MGA: variants seen among roughly 807,000 people sequenced by gnomAD.
The protein encoded by MGA is MAX gene-associated protein.
A neutral mutation model predicts 261.1 loss-of-function variants in MGA; 40 were observed. The observed-to-expected ratio is 0.15, with a 90% CI of 0.12 to 0.20. MGA has a LOEUF of 0.20. Among genes scored for constraint, MGA ranks in the 10% least tolerant of loss-of-function variants. The pLI, the probability that MGA is intolerant of heterozygous loss-of-function variation, is 1.00. For synonymous variants in MGA, 1,302 were observed against 1,290.6 expected (o/e 1.01, Z -0.19); for missense variants, 3,397 against 3,630.5 (o/e 0.94, Z 1.65).
chr15:41,748,876 C>T lies in MGA; in HGVS notation c.5452C>T (p.Arg1818Ter). The T allele has an allele frequency of 1.2e-6, 2 of 1,613,962 alleles. No individual in the cohort carries two copies. The highest frequency in any genetic ancestry group is 1.7e-6 in the Non-Finnish European group (2 of 1,179,892). Residue 1818 changes from arginine to a stop codon, truncating the protein, a stop_gained, in exon 16 of 24, where the codon CGA becomes TGA. Transcript: ENST00000219905. LOFTEE classifies it high-confidence loss of function. ...CCAGCTTCTACCTTTGCATCAGCTT[C>T]GAGGCTCTAATACCCAGCCCAACTT...
rs763563388 is a variant in MGA at position 41,748,868 on chromosome 15, A to G, written c.5444A>G (p.His1815Arg). Residue 1815 changes from histidine (H) to arginine (R), a missense_variant, in exon 16 of 24, where the codon CAT becomes CGT. His to Arg is a conservative substitution (Grantham distance 29, BLOSUM62 0). Around this residue, in one of 9 missense-constraint regions of MGA, gnomAD observed 1,410 missense variants for 1,386.4 expected, o/e 1.02. Coordinates refer to ENST00000219905, the MANE Select transcript of MGA (RefSeq NM_001164273.2). ...CAGATTGTCCAGCTTCTACCTTTGCATCAGCTTCGAGGCTCTAATACCCAG... is the reference window on the plus strand; with the variant it reads ...CAGATTGTCCAGCTTCTACCTTTGCGTCAGCTTCGAGGCTCTAATACCCAG... 16 of 1,613,894 alleles carry G rather than the reference A, an allele frequency of 9.9e-6. No homozygotes were observed. The highest frequency in any genetic ancestry group is 1.3e-5 in the African/African-American group (1 of 74,938).
At chr15:41,708,082 T>C in intron 6 of MGA, 22 bp from the exon 7 acceptor site, 1 of 1,540,294 alleles carries the variant, frequency 6.5e-7, no homozygotes, top group Non-Finnish European at 8.7e-7. Flanking sequence ...TTTGGTCATC[T>C]GTTTGACTTT....
At chr15:41,668,237 A>G (rs1236543909) in intron 1 of MGA, among the ~76,000 whole-genome samples, 1 of 152,106 alleles carries the variant, frequency 6.6e-6, no homozygotes, top group African/African-American at 2.4e-5. Context: ...AATTTATTTC[A>G]GTGTAAGGTC....
intron 1 of MGA, among the ~76,000 whole-genome samples, chr15:41,628,414 TAG>T (rs906984247): frequency 5.5e-5 from 7 of 127,958 alleles, no homozygotes; most frequent in African/African-American, 1.8e-4. Context: ...ATACAAGAGA[TAG>T]AGAGTGGTGG....
intron 15 of MGA, among the ~76,000 whole-genome samples, chr15:41,748,332 C>A (rs1358811696): frequency 6.6e-6 from 1 of 152,122 alleles, no homozygotes; most frequent in Non-Finnish European, 1.5e-5. Flanking sequence ...AACGGCAGAT[C>A]ACTTGAGGTC....
At chr15:41,628,304 T>C (rs1257258141) in intron 1 of MGA, among the ~76,000 whole-genome samples, 2 of 148,258 alleles carry the variant, frequency 1.3e-5, no homozygotes, top group Non-Finnish European at 3.0e-5. Flanking sequence ...ACCCGGGAGG[T>C]TGCGGTGAGC....
chr15:41,630,894 G>A (rs1015297240), intron 1 of MGA, among the ~76,000 whole-genome samples: 5 of 152,206 alleles, frequency 3.3e-5, no homozygotes, highest in African/African-American at 9.7e-5. Flanking sequence ...GCTTACTGGT[G>A]TGAATTGTAG....
chr15:41,752,784 C>G (rs2062917993), intron 17 of MGA, among the ~76,000 whole-genome samples: 1 of 152,046 alleles, frequency 6.6e-6, no homozygotes, highest in Non-Finnish European at 1.5e-5. Flanking sequence ...TCTTGAACTC[C>G]TGACCTCAGG....
intron 2 of MGA, among the ~76,000 whole-genome samples, chr15:41,692,181 G>A (rs2059325706): frequency 1.3e-5 from 2 of 152,076 alleles, no homozygotes; most frequent in African/African-American, 4.8e-5. Context: ...GTAAATTTCA[G>A]CTCACCTCTC....
chr15:41,713,415 G>A lies in MGA; in HGVS notation c.3349G>A (p.Glu1117Lys), dbSNP rs1322317552. The A allele has an allele frequency of 6.3e-7, 1 of 1,585,074 alleles. No individual in the cohort carries two copies. The highest frequency in any genetic ancestry group is 2.3e-5 in the East Asian group (1 of 43,752). ...AGTATTTTATGATACTCTGGGAGAG[G>A]AGGCAAGGGAGGAGGAAGAAGGAAT... is the stretch of plus-strand genomic sequence containing the variant. Residue 1117 changes from glutamate (E) to lysine (K), a missense_variant, in exon 9 of 24, where the codon GAG becomes AAG. Glu to Lys is a moderately conservative substitution (Grantham distance 56). Transcript: ENST00000219905.
intron 9 of MGA, among the ~76,000 whole-genome samples, chr15:41,717,208 C>T (rs143473483): frequency 6.6e-6 from 1 of 152,240 alleles, no homozygotes; most frequent in Non-Finnish European, 1.5e-5. Context: ...GTGGCCTTTA[C>T]TTTTATCACC....
intron 18 of MGA, among the ~76,000 whole-genome samples, chr15:41,756,781 A>T (rs992255372): frequency 6.6e-6 from 1 of 152,120 alleles, no homozygotes; most frequent in Non-Finnish European, 1.5e-5. Context: ...TTTTGTAGAG[A>T]CGGAGTCTTG....
intron 5 of MGA, among the ~76,000 whole-genome samples, chr15:41,707,337 C>T (rs2060174854): frequency 1.3e-5 from 2 of 152,320 alleles, no homozygotes; most frequent in South Asian, 4.1e-4. Context: ...GGAGAGGGAT[C>T]TGCTTCCAGT....
Position 41,699,126 on chromosome 15 carries a change from C to A in MGA, c.2155C>A (p.His719Asn), listed in dbSNP as rs2059699244. ...GATAGAAGATTTGAAGACTTTGCGG[C>A]ACAAGCAGGTGATACATCCTGGTCT... Residue 719 changes from histidine (H) to asparagine (N), a missense_variant, in exon 5 of 24, where the codon CAC becomes AAC. By Grantham distance (68) the His-to-Asn change is moderately conservative. Transcript: ENST00000219905. The A allele has an allele frequency of 1.2e-6, 2 of 1,611,680 alleles. No homozygotes were observed. The highest frequency in any genetic ancestry group is 1.7e-6 in the Non-Finnish European group (2 of 1,178,826).
At chr15:41,649,668 C>CTTGTTTGT (rs200184779) in intron 1 of MGA, among the ~76,000 whole-genome samples, 1 of 151,700 alleles carries the variant, frequency 6.6e-6, no homozygotes, top group African/African-American at 2.4e-5. Flanking sequence ...TCCACACCAT[C>CTTGTTTGT]TTGTTTGTTT....
chr15:41,639,419 C>T (rs2056777375), intron 1 of MGA, among the ~76,000 whole-genome samples: 1 of 151,942 alleles, frequency 6.6e-6, no homozygotes, highest in African/African-American at 2.4e-5. Context: ...TCTCATAGCA[C>T]TCTTTCCTCA....
chr15:41,693,106 T>G (rs1595744579), intron 2 of MGA, among the ~76,000 whole-genome samples: 1 of 152,106 alleles, frequency 6.6e-6, no homozygotes, highest in South Asian at 2.1e-4. Context: ...TCCCAAAGTG[T>G]TAGGATTACA....
rs1171840068 is a variant in MGA at position 41,636,384 on chromosome 15, C to G, written c.-68+15086C>G. 3.3e-5 allele frequency among the ~76,000 whole-genome samples: 5 copies of G among 152,108 alleles called. No homozygotes were observed. In the East Asian group the frequency reaches 9.6e-4, roughly 29 times the overall value. ...CTCGACTCACTGCAACCCCCGCCCC[C>G]CAGGTTCAAGCGTTTCTTCTGCCTC... is the stretch of plus-strand genomic sequence containing the variant. On this transcript the variant is annotated intron_variant, in intron 1 of 8. Coordinates refer to the MGA transcript ENST00000566718.
intron 1 of MGA, among the ~76,000 whole-genome samples, chr15:41,628,248 C>T (rs571445538): frequency 6.6e-6 from 1 of 151,514 alleles, no homozygotes; most frequent in South Asian, 2.1e-4. Flanking sequence ...TGGTGCACGC[C>T]TGTAGTCCTA....
Sources: gnomAD v4.1 joint callset for allele counts (sites outside exome capture counted in the v4.1 genomes callset) on GRCh38, gnomAD v4.1.1 for gene constraint, gnomAD v4.1.1 regional missense constraint, MANE v1.5 for transcripts, NCBI Gene and HGNC (gene_info 2026-07-23, HGNC 2026-07-21) for gene names.